The following NOS1 variants were observed in gnomAD, a reference collection of about 807,000 sequenced individuals.
NOS1 encodes the protein nitric oxide synthase 1, also known as NOS type I.
In NOS1, 51 loss-of-function variants were observed where a neutral mutation model predicts 164.5. The observed-to-expected ratio is 0.31, with a 90% CI of 0.25 to 0.39. The LOEUF (loss-of-function observed/expected upper bound fraction) is 0.39, where lower values mean the gene tolerates loss of function less well. Ranked by LOEUF, NOS1 falls within the 10% of genes least tolerant of loss-of-function variation. The probability of loss-of-function intolerance (pLI) is 1.00; values close to 1 mark genes in which losing one functional copy is unlikely to be tolerated. For missense variants in NOS1, 1,362 were observed against 1,885.6 expected (o/e 0.72, Z 5.14); for synonymous variants, 719 against 745.8 (o/e 0.96, Z 0.59).
At chr12:117,282,461 CT>C (rs1592985289) in intron 7 of NOS1, among the ~76,000 whole-genome samples, 1 of 152,218 alleles carries the variant, frequency 6.6e-6, no homozygotes, top group East Asian at 1.9e-4. Flanking sequence ...GAATCCCCCT[CT>C]TCCATTTTAT....
In NOS1 at chr12:117,272,662, C is replaced by A. The variant is rs1872880640; in HGVS notation, c.1665-103G>T. 1.8e-6 allele frequency: 2 copies of A among 1,128,328 alleles called. No individual in the cohort carries two copies. Among genetic ancestry groups the A allele is most frequent in the Middle Eastern group, 2.9e-4 (1 of 3,490 alleles). The allele number at this position is 1,128,328 out of a possible 1,614,324, so 69.9% of individuals were successfully genotyped here. On this transcript the variant is annotated intron_variant, in intron 9 of 28. Transcript: ENST00000317775. This position sits in a 1 kb window ranked among gnomAD's most constrained non-coding sequence, Gnocchi z 4.3. ...AATGCCAAGGATGGACTGGGACTGA[C>A]AAGGTCAGAATATGGTTCCTGGGCC...
intron 1 of NOS1, among the ~76,000 whole-genome samples, chr12:117,341,867 A>G (rs1876127340): frequency 6.6e-6 from 1 of 152,248 alleles, no homozygotes; most frequent in Non-Finnish European, 1.5e-5. Context: ...GAAGTGCATT[A>G]GAGGGGATAA....
chr12:117,349,662 A>T (rs1876527583), intron 1 of NOS1, among the ~76,000 whole-genome samples: 1 of 152,238 alleles, frequency 6.6e-6, no homozygotes, highest in Non-Finnish European at 1.5e-5. Context: ...CTGTGCTTAT[A>T]CAGGCCCAGG....
chr12:117,287,975 C>A, intron 5 of NOS1, 99 bp downstream of exon 5: 4 of 1,342,080 alleles, frequency 3.0e-6, no homozygotes, highest in Non-Finnish European at 3.2e-6. Flanking sequence ...ATGGCAGAGG[C>A]CTTGTGCCTT....
intron 1 of NOS1, among the ~76,000 whole-genome samples, chr12:117,353,649 G>A (rs1876733697): frequency 6.6e-6 from 1 of 151,986 alleles, no homozygotes; most frequent in South Asian, 2.1e-4. Context: ...TTCTTGCGAA[G>A]GAAGGGTTTT....
chr12:117,215,195 C>A lies in NOS1; in HGVS notation c.*114G>T. On this transcript the variant is annotated 3_prime_UTR_variant, in exon 29 of 29. Coordinates refer to ENST00000317775, the MANE Select transcript of NOS1 (RefSeq NM_000620.5). ...AGAAGCCCGAGGAGGGAAACCAGGG[C>A]ACAGCGACAAGGACAGGAGGCAGAG... 1 of 1,347,050 alleles carries A rather than the reference C, an allele frequency of 7.4e-7. No homozygotes were observed. Among genetic ancestry groups the A allele is most frequent in the Non-Finnish European group, 9.6e-7 (1 of 1,038,956 alleles). 83.4% of individuals were successfully genotyped at this position (1,347,050 alleles called of 1,614,324 possible). A position where few individuals can be genotyped will look rare whatever the true frequency, so the allele number is the denominator to read the frequency against.
In NOS1 at chr12:117,226,669, CA is replaced by C; in HGVS notation, c.3704+13del. On this transcript the variant is annotated intron_variant, in intron 24 of 28. Transcript: ENST00000317775. ...TTTGAGATGATTGCTCATTTTTCTCCACTTATTACTCACCCTCTCACGAAAC... is the reference window on the plus strand; with the variant it reads ...TTTGAGATGATTGCTCATTTTTCTCCCTTATTACTCACCCTCTCACGAAAC... The C allele has an allele frequency of 6.2e-7, 1 of 1,611,832 alleles. No homozygotes were observed. Among genetic ancestry groups the C allele is most frequent in the Non-Finnish European group, 8.5e-7 (1 of 1,178,002 alleles).
intron 1 of NOS1, among the ~76,000 whole-genome samples, chr12:117,333,629 T>C (rs1467432863): frequency 6.6e-6 from 1 of 152,158 alleles, no homozygotes; most frequent in Non-Finnish European, 1.5e-5. Flanking sequence ...GAGGAAATAA[T>C]GAATCCCCGG....
intron 22 of NOS1, among the ~76,000 whole-genome samples, chr12:117,231,232 C>T (rs972300466): frequency 4.0e-5 from 6 of 151,558 alleles, no homozygotes; most frequent in African/African-American, 1.5e-4. Flanking sequence ...CACGAGAATC[C>T]TTTGAGCCCG....
chr12:117,331,745 C>A (rs1275855191), intron 1 of NOS1, among the ~76,000 whole-genome samples: 1 of 152,184 alleles, frequency 6.6e-6, no homozygotes, highest in Non-Finnish European at 1.5e-5. Context: ...TCTCCCTGGG[C>A]AAACATGGAC....
chr12:117,218,920 G>A lies in NOS1; in HGVS notation c.4171-756C>T, dbSNP rs147946531. ...TGCGTCTGGCAAGGCAGGCATAATC[G>A]TGCACTAGGTTCCAGCCTCCCCATC... On this transcript the variant is annotated intron_variant, in intron 27 of 28. Coordinates refer to ENST00000317775, the MANE Select transcript of NOS1 (RefSeq NM_000620.5). 6.0e-3 allele frequency among the ~76,000 whole-genome samples: 914 copies of A among 152,002 alleles called. 8 individuals are homozygous for A. The highest frequency in any genetic ancestry group is 0.021 in the African/African-American group (873 of 41,456).
rs540450274 is a variant in NOS1 at position 117,250,907 on chromosome 12, A to G, written c.2648+2731T>C. On this transcript the variant is annotated intron_variant, in intron 17 of 28. Coordinates refer to ENST00000317775, the MANE Select transcript of NOS1 (RefSeq NM_000620.5). The stretch of plus-strand genomic sequence containing the variant: ...TCTGCCATATTCAATTACCGCTGAC[A>G]CTGTCAATCACTCATTTGTGTTTTT... Among the ~76,000 whole-genome samples the G allele has an allele frequency of 2.1e-4, 32 of 152,300 alleles. 1 individual carries two copies. Among genetic ancestry groups the G allele is most frequent in the Middle Eastern group, 3.4e-3 (1 of 294 alleles).
In NOS1 at chr12:117,313,629, G is replaced by A. The variant is rs543929178; in HGVS notation, c.726-2037C>T. 7.9e-5 allele frequency among the ~76,000 whole-genome samples: 12 copies of A among 152,162 alleles called. No homozygotes were observed. In the East Asian group the frequency reaches 2.1e-3, roughly 27 times the overall value. The stretch of plus-strand genomic sequence containing the variant: ...ACTTCTTACCCACTAAGTTTTCCTG[G>A]CTTCCTGTCCCTGAACTCTAACAGG... On this transcript the variant is annotated intron_variant, in intron 2 of 28. Coordinates refer to ENST00000317775, the MANE Select transcript of NOS1 (RefSeq NM_000620.5).
At chr12:117,284,335 C>T (rs1873929068) in intron 7 of NOS1, among the ~76,000 whole-genome samples, 1 of 152,176 alleles carries the variant, frequency 6.6e-6, no homozygotes, top group African/African-American at 2.4e-5. Flanking sequence ...TCATTTCCAC[C>T]TGTCCCTCTC....
chr12:117,302,182 A>G (rs1349553165), intron 3 of NOS1: 1 of 432,822 alleles, frequency 2.3e-6, no homozygotes, highest in Non-Finnish European at 4.7e-6. Flanking sequence ...TAAATATATT[A>G]GGTCCTGTTG....
intron 5 of NOS1, among the ~76,000 whole-genome samples, chr12:117,286,624 G>A (rs1874140142): frequency 6.6e-6 from 1 of 152,050 alleles, no homozygotes; most frequent in Non-Finnish European, 1.5e-5. Context: ...GAGTTTTAAG[G>A]GGAACTCTTA....
At chr12:117,257,991 G>C (rs1871598693) in intron 16 of NOS1, among the ~76,000 whole-genome samples, 1 of 151,760 alleles carries the variant, frequency 6.6e-6, no homozygotes, top group African/African-American at 2.4e-5. Flanking sequence ...TATTAGTAGA[G>C]ATGGGGTTTC....
intron 2 of NOS1, among the ~76,000 whole-genome samples, chr12:117,321,336 A>C (rs1000264073): frequency 6.6e-6 from 1 of 152,148 alleles, no homozygotes; most frequent in African/African-American, 2.4e-5. Context: ...CTCATCTCTG[A>C]TATGATTCTC....
At chr12:117,285,413 A>C in intron 6 of NOS1, 81 bp from the exon 7 acceptor site, 1 of 839,168 alleles carries the variant, frequency 1.2e-6, no homozygotes, top group East Asian at 3.0e-5. Flanking sequence ...ATTTTAGGAG[A>C]ACCCAGATCC....
Sources: gnomAD v4.1 joint callset for allele counts (sites outside exome capture counted in the v4.1 genomes callset) on GRCh38, gnomAD v4.1.1 for gene constraint, Gnocchi (gnomAD v3.1) non-coding constraint, MANE v1.5 for transcripts, NCBI Gene and HGNC (gene_info 2026-07-23, HGNC 2026-07-21) for gene names.